DPP10: variants seen among roughly 807,000 people sequenced by gnomAD.
DPP10 encodes inactive dipeptidyl peptidase 10.
Under a neutral mutation model 120.9 loss-of-function variants are expected in DPP10, and 33 were observed. That is an observed-to-expected ratio of 0.27 (90% CI 0.21 to 0.37). The LOEUF (loss-of-function observed/expected upper bound fraction) is 0.37. DPP10 is among the 10% of genes least tolerant of loss of function. The probability of loss-of-function intolerance (pLI) is 1.00; values close to 1 mark genes in which losing one functional copy is unlikely to be tolerated. For synonymous variants in DPP10, 337 were observed against 326.1 expected (o/e 1.03, Z -0.36); for missense variants, 816 against 942.8 (o/e 0.87, Z 1.76).
intron 1 of DPP10, among the ~76,000 whole-genome samples, chr2:115,167,808 A>G (rs1476486527): frequency 2.6e-5 from 4 of 152,330 alleles, no homozygotes; most frequent in South Asian, 4.1e-4. Context: ...ATTCTGTTAC[A>G]TCCTGACTTT....
intron 13 of DPP10, among the ~76,000 whole-genome samples, chr2:115,776,172 T>C (rs751065063): frequency 1.3e-5 from 2 of 152,152 alleles, no homozygotes; most frequent in Non-Finnish European, 2.9e-5. Flanking sequence ...TGTTTTATAC[T>C]TGAAGCTCTG....
At chr2:115,069,769 C>A (rs1158087192) in intron 1 of DPP10, among the ~76,000 whole-genome samples, 1 of 151,692 alleles carries the variant, frequency 6.6e-6, no homozygotes, top group African/African-American at 2.4e-5. Context: ...CTTAACCTCT[C>A]TGAGAATCTT....
chr2:114,717,296 T>C (rs903755556), intron 1 of DPP10, among the ~76,000 whole-genome samples: 1 of 152,218 alleles, frequency 6.6e-6, no homozygotes, highest in Non-Finnish European at 1.5e-5. Context: ...CAGAGACTGT[T>C]TTGTGATTGA....
intron 1 of DPP10, among the ~76,000 whole-genome samples, chr2:114,499,828 C>T (rs1683004940): frequency 6.6e-6 from 1 of 152,198 alleles, no homozygotes; most frequent in African/African-American, 2.4e-5. Flanking sequence ...TCTTGTGATG[C>T]TTATTTAAAA....
At chr2:115,500,589 A>G (rs546552995) in intron 4 of DPP10, among the ~76,000 whole-genome samples, 11 of 152,152 alleles carry the variant, frequency 7.2e-5, no homozygotes, top group Non-Finnish European at 1.2e-4. Flanking sequence ...AAGTGATTAT[A>G]TATGTATATC....
chr2:114,892,270 A>T (rs1281259308), intron 1 of DPP10, among the ~76,000 whole-genome samples: 1 of 152,180 alleles, frequency 6.6e-6, no homozygotes, highest in Non-Finnish European at 1.5e-5. Flanking sequence ...CATGTACATC[A>T]GTGTGGTAAG....
At chr2:115,347,671 C>T (rs938924047) in intron 3 of DPP10, among the ~76,000 whole-genome samples, 5 of 151,932 alleles carry the variant, frequency 3.3e-5, no homozygotes, top group Non-Finnish European at 5.9e-5. Flanking sequence ...TGTGATATTC[C>T]CCTCCCTGTG....
chr2:115,064,976 TTTATA>T (rs1216994297), intron 1 of DPP10, among the ~76,000 whole-genome samples: 3 of 152,210 alleles, frequency 2.0e-5, no homozygotes, highest in African/African-American at 7.2e-5. Flanking sequence ...AATGTGTATG[TTTATA>T]TTATAATTTT....
chr2:115,666,158 T>G (rs2089438168), intron 5 of DPP10, among the ~76,000 whole-genome samples: 1 of 152,168 alleles, frequency 6.6e-6, no homozygotes, highest in African/African-American at 2.4e-5. Context: ...TTTCCGTTTC[T>G]ACATTAGTTC....
chr2:115,515,183 A>G (rs972253551), intron 4 of DPP10, among the ~76,000 whole-genome samples: 1 of 151,456 alleles, frequency 6.6e-6, no homozygotes, highest in Non-Finnish European at 1.5e-5. Flanking sequence ...CTCCAAAACA[A>G]ACATAAACAA....
chr2:114,554,977 C>G (rs1688172263), intron 1 of DPP10, among the ~76,000 whole-genome samples: 1 of 152,164 alleles, frequency 6.6e-6, no homozygotes, highest in Non-Finnish European at 1.5e-5. Context: ...CTGGTCCCAG[C>G]CAGTGAGTGA....
intron 19 of DPP10, among the ~76,000 whole-genome samples, chr2:115,811,082 T>A (rs1031113994): frequency 6.6e-6 from 1 of 152,220 alleles, no homozygotes. Flanking sequence ...CAACACTTTG[T>A]GAACAAGTAA....
At chr2:114,748,040 T>C (rs1678748043) in intron 1 of DPP10, among the ~76,000 whole-genome samples, 1 of 152,180 alleles carries the variant, frequency 6.6e-6, no homozygotes, top group Non-Finnish European at 1.5e-5. Flanking sequence ...TTTTATGACT[T>C]GAATCCAGTA....
intron 1 of DPP10, among the ~76,000 whole-genome samples, chr2:114,664,313 CAA>C (rs1382564040): frequency 1.3e-5 from 2 of 151,548 alleles, no homozygotes; most frequent in Non-Finnish European, 2.9e-5. Flanking sequence ...TGGAGAGACT[CAA>C]GAGTATAGTT....
intron 1 of DPP10, among the ~76,000 whole-genome samples, chr2:115,232,333 AAAG>A (rs2057775728): frequency 6.6e-6 from 1 of 152,152 alleles, no homozygotes; most frequent in Non-Finnish European, 1.5e-5. Context: ...GGAAAAAAAA[AAAG>A]GTTTTTAGGT....
At position 115,836,139 on chromosome 2, in the gene DPP10, T is replaced by C. The variant is rs878965174; in HGVS notation, c.1951-18T>C. ...TGTGAGATATATATATATATATATA[T>C]ATATTTTTCCCCCCCAGGGTTATGG... On this transcript the variant is annotated intron_variant, in intron 21 of 25. Coordinates refer to ENST00000410059, the MANE Select transcript of DPP10 (RefSeq NM_020868.6). 1.5e-6 allele frequency: 2 copies of C among 1,322,992 alleles called. No individual in the cohort carries two copies. Among genetic ancestry groups the C allele is most frequent in the Non-Finnish European group, 2.1e-6 (2 of 971,414 alleles). The allele number at this position is 1,322,992 out of a possible 1,614,324, so 82.0% of individuals were successfully genotyped here.
At chr2:115,029,000 A>G (rs181255390) in intron 1 of DPP10, among the ~76,000 whole-genome samples, 1 of 152,116 alleles carries the variant, frequency 6.6e-6, no homozygotes, top group East Asian at 1.9e-4. Context: ...TTTGTTTTCT[A>G]TCCAGTTAAT....
chr2:114,575,949 G>A (rs1161144424), intron 1 of DPP10, among the ~76,000 whole-genome samples: 1 of 152,166 alleles, frequency 6.6e-6, no homozygotes, highest in East Asian at 1.9e-4. Context: ...GAAGAGTTCA[G>A]GAATATCAGA....
chr2:115,640,680 C>T (rs534580784), intron 5 of DPP10, among the ~76,000 whole-genome samples: 19 of 152,122 alleles, frequency 1.2e-4, no homozygotes, highest in South Asian at 6.2e-4. Flanking sequence ...ACTATGGCAG[C>T]GCAATGTGAC....
Sources: gnomAD v4.1 joint callset for allele counts (sites outside exome capture counted in the v4.1 genomes callset) on GRCh38, gnomAD v4.1.1 for gene constraint, MANE v1.5 for transcripts, NCBI Gene and HGNC (gene_info 2026-07-23, HGNC 2026-07-21) for gene names.